Variants in CSMD1 observed in about 807,000 individuals in gnomAD.
CSMD1 encodes the protein CUB and Sushi multiple domains 1, also known as CUB and sushi domain-containing protein 1.
CSMD1 carries 213 observed loss-of-function variants against 417.5 expected under a neutral mutation model. The observed-to-expected ratio is 0.51, with a 90% confidence interval of 0.46 to 0.57. CSMD1 has a LOEUF of 0.57. CSMD1 is among the 20% of genes least tolerant of loss of function. CSMD1 has a pLI of 0.00. For synonymous variants in CSMD1, 2,862 were observed against 1,736.8 expected, an observed-to-expected ratio of 1.65 and a Z score of -16.11; for missense variants, 6,923 against 4,529.7, an observed-to-expected ratio of 1.53 and a Z score of -15.17.
chr8:3,245,478 G>C (rs1164586591), intron 26 of CSMD1, among the ~76,000 whole-genome samples: 1 of 152,134 alleles, frequency 6.6e-6, no homozygotes. Context: ...AAATGTATGT[G>C]GATGTTTACA....
intron 1 of CSMD1, among the ~76,000 whole-genome samples, chr8:4,989,170 G>C (rs1372048998): frequency 6.6e-6 from 1 of 152,166 alleles, no homozygotes; most frequent in Non-Finnish European, 1.5e-5. Context: ...TTGAAGGCAA[G>C]GTAAAAAGGT....
chr8:4,055,254 G>A (rs1021243561), intron 3 of CSMD1, among the ~76,000 whole-genome samples: 2 of 152,128 alleles, frequency 1.3e-5, no homozygotes, highest in African/African-American at 2.4e-5. Flanking sequence ...TGCCTCAAAT[G>A]AATTCAGGTT....
intron 59 of CSMD1, 25 bp downstream of exon 59, chr8:2,965,750 A>C: frequency 6.3e-7 from 1 of 1,577,632 alleles, no homozygotes; most frequent in East Asian, 2.3e-5. Flanking sequence ...CACATCTGTA[A>C]AATCCAAAGA....
At chr8:3,174,821 ACACAC>A (rs1176874825) in intron 37 of CSMD1, among the ~76,000 whole-genome samples, 1 of 151,996 alleles carries the variant, frequency 6.6e-6, no homozygotes. Flanking sequence ...TTTTTATTGT[ACACAC>A]TTTTTTTATG....
chr8:4,113,014 G>A (rs1220124019), intron 3 of CSMD1, among the ~76,000 whole-genome samples: 1 of 152,080 alleles, frequency 6.6e-6, no homozygotes, highest in Non-Finnish European at 1.5e-5. Flanking sequence ...GGTAATCAGT[G>A]GTCAATGATC....
intron 3 of CSMD1, among the ~76,000 whole-genome samples, chr8:4,235,488 G>A (rs1244481568): frequency 6.6e-6 from 1 of 151,958 alleles, no homozygotes; most frequent in Non-Finnish European, 1.5e-5. Flanking sequence ...TAATTCACAT[G>A]CTTTTTAGAA....
chr8:4,836,930 G>C (rs745895802), intron 1 of CSMD1, among the ~76,000 whole-genome samples: 1 of 152,102 alleles, frequency 6.6e-6, no homozygotes, highest in Admixed American at 6.5e-5. Flanking sequence ...GTTCTAATGG[G>C]AAACCTCCAT....
intron 6 of CSMD1, among the ~76,000 whole-genome samples, chr8:3,752,315 C>A (rs1026671725): frequency 1.1e-4 from 17 of 152,094 alleles, no homozygotes; most frequent in African/African-American, 3.9e-4. Context: ...CTTCCGGCAA[C>A]ATCAGAAGGC....
In CSMD1 at chr8:3,230,097, T is replaced by C; in HGVS notation, c.4288A>G (p.Thr1430Ala). The change falls in exon 27 of 70, where the codon ACC becomes GCC. Residue 1430 changes from threonine (T) to alanine (A), a missense_variant. By Grantham distance (58) the Thr-to-Ala change is moderately conservative (BLOSUM62 0). Coordinates refer to ENST00000635120, the MANE Select transcript of CSMD1 (RefSeq NM_033225.6). ...AACCGGTTATTCAGCTGCACACAGG[T>C]GATTTTGGCTTGTCCTTGGAGCTGA... ...GYQLQGQAKI[T>A]CVQLNNRFFW... The C allele has an allele frequency of 1.2e-6, 2 of 1,613,472 alleles. No homozygotes were observed.
intron 10 of CSMD1, among the ~76,000 whole-genome samples, chr8:3,509,740 T>C (rs1585276955): frequency 6.6e-6 from 1 of 152,050 alleles, no homozygotes; most frequent in Admixed American, 6.6e-5. Flanking sequence ...ATAATCAGAG[T>C]GATATTTTGT....
intron 3 of CSMD1, among the ~76,000 whole-genome samples, chr8:4,260,071 G>A (rs528204650): frequency 6.6e-6 from 1 of 151,664 alleles, no homozygotes; most frequent in Admixed American, 6.6e-5. Flanking sequence ...TTGTCTTAGA[G>A]ATCACAAACA....
At chr8:3,145,974 C>A (rs976454964) in intron 40 of CSMD1, among the ~76,000 whole-genome samples, 10 of 152,190 alleles carry the variant, frequency 6.6e-5, no homozygotes, top group African/African-American at 2.2e-4. Flanking sequence ...CAGAGTTAAA[C>A]CCTAGTTTTT....
In CSMD1 at chr8:2,935,934, G is replaced by C. The variant is rs1801425659; in HGVS notation, c.*2651C>G. On this transcript the variant is annotated 3_prime_UTR_variant, in exon 70 of 70. Transcript: ENST00000635120. ...GCTCTGAAGCACGTGTCCTCTGTTAGTGTGTGGTCGCGTCCCTCACGCGTG... is the reference window on the plus strand; with the variant it reads ...GCTCTGAAGCACGTGTCCTCTGTTACTGTGTGGTCGCGTCCCTCACGCGTG... 1 of 152,204 alleles carries C rather than the reference G, an allele frequency of 6.6e-6. No individual in the cohort carries two copies. The highest frequency in any genetic ancestry group is 6.5e-5 in the Admixed American group (1 of 15,288). The allele number at this position is 152,204 out of a possible 1,614,324, so 9.4% of individuals were successfully genotyped here. A position where few individuals can be genotyped will look rare whatever the true frequency, so the allele number is the denominator to read the frequency against.
At chr8:4,214,630 G>C (rs1487239119) in intron 3 of CSMD1, among the ~76,000 whole-genome samples, 2 of 152,122 alleles carry the variant, frequency 1.3e-5, no homozygotes, top group Non-Finnish European at 2.9e-5. Flanking sequence ...GAAACACTGA[G>C]TATGTATTTG....
At chr8:4,579,307 T>C (rs922334305) in intron 2 of CSMD1, among the ~76,000 whole-genome samples, 1 of 149,660 alleles carries the variant, frequency 6.7e-6, no homozygotes, top group Non-Finnish European at 1.5e-5. Context: ...CTCTTGCCAA[T>C]GGTGAAGTTT....
At chr8:3,669,383 G>C (rs10100500) in intron 7 of CSMD1, among the ~76,000 whole-genome samples, 24,337 of 152,088 alleles carry the variant, frequency 0.16, 2,132 homozygotes, top group South Asian at 0.22. Context: ...AAGGCCTTGA[G>C]CTTCTTGGGC....
intron 15 of CSMD1, among the ~76,000 whole-genome samples, chr8:3,404,689 C>T (rs999093282): frequency 2.0e-5 from 3 of 152,046 alleles, no homozygotes; most frequent in Non-Finnish European, 4.4e-5. Flanking sequence ...TCACCCATAA[C>T]CATAATTAAC....
intron 10 of CSMD1, among the ~76,000 whole-genome samples, chr8:3,530,612 T>C (rs936437401): frequency 6.6e-6 from 1 of 152,130 alleles, no homozygotes; most frequent in Non-Finnish European, 1.5e-5. Flanking sequence ...ACCTCTGCCT[T>C]CTGGGTTCAA....
At chr8:4,297,887 C>G (rs1348656171) in intron 3 of CSMD1, among the ~76,000 whole-genome samples, 1 of 151,944 alleles carries the variant, frequency 6.6e-6, no homozygotes, top group East Asian at 1.9e-4. Flanking sequence ...GAAAATTTAT[C>G]GAATGTTTTA....
Sources: gnomAD v4.1 joint callset for allele counts (sites outside exome capture counted in the v4.1 genomes callset) on GRCh38, gnomAD v4.1.1 for gene constraint, MANE v1.5 for transcripts, NCBI Gene and HGNC (gene_info 2026-07-23, HGNC 2026-07-21) for gene names.